Variants in BRCA1 observed in about 807,000 individuals in gnomAD.
BRCA1 encodes breast cancer type 1 susceptibility protein.
BRCA1 carries 140 observed loss-of-function variants against 173.7 expected under a neutral mutation model. The observed-to-expected ratio is 0.81, with a 90% CI of 0.70 to 0.93. The LOEUF (loss-of-function observed/expected upper bound fraction) is 0.93. Ranked by LOEUF, BRCA1 falls within the 40% of genes least tolerant of loss-of-function variation. BRCA1 has a pLI of 0.00. For synonymous variants in BRCA1, 662 were observed against 756.0 expected, an observed-to-expected ratio of 0.88 and a Z score of 2.04; for missense variants, 1,983 against 2,172.5, an observed-to-expected ratio of 0.91 and a Z score of 1.73.
chr17:43,154,554 A>C (rs1172751499), intron 1 of BRCA1, among the ~76,000 whole-genome samples: 2 of 152,024 alleles, frequency 1.3e-5, no homozygotes, highest in South Asian at 2.1e-4. Context: ...TAATAATAAT[A>C]ATAAGCTTAA....
chr17:43,140,301 C>T, intron 1 of BRCA1: 1 of 168,430 alleles, frequency 5.9e-6, no homozygotes, highest in South Asian at 1.4e-4. Context: ...TTAAAATATC[C>T]TTTGTAATAA....
At chr17:43,160,356 G>C (rs940600815) in intron 1 of BRCA1, 4 of 152,024 alleles carry the variant, frequency 2.6e-5, no homozygotes, top group Non-Finnish European at 5.9e-5. Context: ...CCGAGCCCCC[G>C]CCCCGAGTGA....
rs397509016 is a variant in BRCA1 at position 43,092,693 on chromosome 17, GAT to G, written c.2836_2837del (p.Ile946GlnfsTer5). 1.9e-6 allele frequency: 3 copies of G among 1,614,084 alleles called. No homozygotes were observed. The highest frequency in any genetic ancestry group is 2.5e-6 in the Non-Finnish European group (3 of 1,180,012). ...ATAGACAAAACCTAGAGCCTCCTTT[GAT>G]ACTACATTTGGCATTATCAACTGGC... ...DKPVDNAKCS[I>X]KGGSRFCLSS... is the part of the protein sequence containing the mutation. On this transcript the variant is annotated frameshift_variant, in exon 10 of 23. Coordinates refer to ENST00000357654, the MANE Select transcript of BRCA1 (RefSeq NM_007294.4). LOFTEE classifies it high-confidence loss of function.
chr17:43,138,989 A>AATGAAAAGCACTAATTGCCTAT (rs2056052855), intron 1 of BRCA1: 2 of 777,670 alleles, frequency 2.6e-6, no homozygotes, highest in Non-Finnish European at 4.8e-6. Context: ...TAGCCCCTCC[A>AATGAAAAGCACTAATTGCCTAT]ATGAAAAGCA....
intron 3 of BRCA1, 26 bp from the exon 4 acceptor site, chr17:43,106,559 C>G (rs2054800462): frequency 6.7e-7 from 1 of 1,493,598 alleles, no homozygotes; most frequent in Non-Finnish European, 9.3e-7. Context: ...AAAGAAAGAA[C>G]AATTTAATTT....
chr17:43,088,030 G>A (rs1441547404), intron 11 of BRCA1, among the ~76,000 whole-genome samples: 1 of 152,094 alleles, frequency 6.6e-6, no homozygotes, highest in South Asian at 2.1e-4. Context: ...GGGATTACAG[G>A]TGTAAGCCAC....
Position 43,094,313 on chromosome 17 carries a change from A to G in BRCA1, c.1218T>C (p.Asn406=), listed in dbSNP as rs2053974420. ...DDSHDGESES[N]AKVADVLDVL... ...CGTCCAATACATCAGCTACTTTGGCATTTGATTCAGACTCCCCATCATGTG... is the reference window on the plus strand; with the variant it reads ...CGTCCAATACATCAGCTACTTTGGCGTTTGATTCAGACTCCCCATCATGTG... The change falls in exon 10 of 23, where the codon AAT becomes AAC. Residue 406 remains asparagine (N), a synonymous_variant. Transcript: ENST00000357654. The G allele has an allele frequency of 6.2e-7, 1 of 1,614,186 alleles. No homozygotes were observed. The highest frequency in any genetic ancestry group is 8.5e-7 in the Non-Finnish European group (1 of 1,180,036).
intron 22 of BRCA1, among the ~76,000 whole-genome samples, chr17:43,046,757 C>CAAA (rs370148636): frequency 1.9e-4 from 20 of 105,998 alleles, no homozygotes; most frequent in Middle Eastern, 9.2e-3. Flanking sequence ...GACTCCACCT[C>CAAA]AAAAAAAAAA....
chr17:43,125,630 C>CCTCT (rs1307898332), upstream of BRCA1: 2 of 259,778 alleles, frequency 7.7e-6, no homozygotes, highest in African/African-American at 4.5e-5. Flanking sequence ...TGCCCTCTAG[C>CCTCT]CTCTACTCTT....
chr17:43,080,648 T>A (rs1405755964), intron 12 of BRCA1, among the ~76,000 whole-genome samples: 11 of 146,894 alleles, frequency 7.5e-5, no homozygotes, highest in African/African-American at 2.5e-4. Flanking sequence ...CTACAAAAAA[T>A]AAAAAAAAAA....
At position 43,071,092 on chromosome 17, in the gene BRCA1, CAACTTTCAATTGGGG is replaced by C. The variant is rs80359888; in HGVS notation, c.4807_4821del (p.Pro1603_Val1607del). ...GCAGCTGGACTCTGGGCAGATTCTGCAACTTTCAATTGGGGAACTTTCAATGCAGAGGTTGAAGAT... is the reference window on the plus strand; with the variant it reads ...GCAGCTGGACTCTGGGCAGATTCTGCAACTTTCAATGCAGAGGTTGAAGAT... On this transcript the variant is annotated inframe_deletion, in exon 15 of 23. Transcript: ENST00000357654. 15 of 1,614,140 alleles carry C rather than the reference CAACTTTCAATTGGGG, an allele frequency of 9.3e-6. No homozygotes were observed. In the Admixed American group the frequency reaches 2.5e-4, roughly 27 times the overall value.
chr17:43,168,177 G>C, intron 1 of BRCA1: 1 of 399,204 alleles, frequency 2.5e-6, no homozygotes, highest in Non-Finnish European at 5.1e-6. Context: ...TACCAGATTG[G>C]ACACTGTAAG....
intron 9 of BRCA1, 116 bp from the exon 10 acceptor site, chr17:43,094,976 C>G (rs1038273766): frequency 1.2e-6 from 1 of 863,216 alleles, no homozygotes; most frequent in Admixed American, 2.3e-5. Flanking sequence ...GAGAAACTAA[C>G]CTCATAAACT....
chr17:43,157,819 A>G (rs1447238648), intron 1 of BRCA1, among the ~76,000 whole-genome samples: 1 of 152,020 alleles, frequency 6.6e-6, no homozygotes, highest in Non-Finnish European at 1.5e-5. Context: ...CAACATGGAG[A>G]CACCCCGTCT....
At chr17:43,061,877 G>A (rs1038997929) in intron 18 of BRCA1, among the ~76,000 whole-genome samples, 1 of 152,024 alleles carries the variant, frequency 6.6e-6, no homozygotes, top group East Asian at 1.9e-4. Flanking sequence ...GAGCCACCAC[G>A]CCTGGCCTAT....
intron 11 of BRCA1, among the ~76,000 whole-genome samples, chr17:43,088,688 T>C (rs1412487536): frequency 6.6e-6 from 1 of 152,074 alleles, no homozygotes; most frequent in Non-Finnish European, 1.5e-5. Context: ...GCTAAAAGGG[T>C]ATTTAAGATT....
intron 12 of BRCA1, 42 bp downstream of exon 12, chr17:43,082,362 G>C (rs745366396): frequency 6.3e-7 from 1 of 1,597,246 alleles, no homozygotes; most frequent in Non-Finnish European, 8.6e-7. Context: ...GGGAAGGAAA[G>C]AATTTTGCTT....
At chr17:43,084,194 C>G (rs1410412680) in intron 11 of BRCA1, among the ~76,000 whole-genome samples, 2 of 152,190 alleles carry the variant, frequency 1.3e-5, no homozygotes, top group Admixed American at 1.3e-4. Context: ...CCATGCCCAG[C>G]TAATTTTTTG....
At chr17:43,059,212 C>A (rs934676402) in intron 18 of BRCA1, among the ~76,000 whole-genome samples, 1 of 152,066 alleles carries the variant, frequency 6.6e-6, no homozygotes, top group African/African-American at 2.4e-5. Context: ...ACCTGCAATC[C>A]CAGCACTTTG....
Sources: allele counts gnomAD v4.1 joint callset (sites outside exome capture counted in the v4.1 genomes callset), GRCh38; gene constraint gnomAD v4.1.1; transcripts MANE v1.5; gene names NCBI Gene and HGNC (gene_info 2026-07-23, HGNC 2026-07-21).